Variants in RALGAPB observed in about 807,000 individuals in gnomAD.
RALGAPB encodes ral GTPase-activating protein subunit beta.
In RALGAPB, 25 loss-of-function variants were observed where a neutral mutation model predicts 161.1. The observed-to-expected ratio is 0.16, with a 90% CI of 0.11 to 0.22. The LOEUF (loss-of-function observed/expected upper bound fraction) is 0.22, where lower values mean the gene tolerates loss of function less well. RALGAPB is among the 10% of genes least tolerant of loss of function. The pLI is 1.00. For synonymous variants in RALGAPB, 629 were observed against 626.1 expected, an observed-to-expected ratio of 1.00 and a Z score of -0.07; for missense variants, 1,391 against 1,815.2, an observed-to-expected ratio of 0.77 and a Z score of 4.25.
intron 1 of RALGAPB, among the ~76,000 whole-genome samples, chr20:38,485,624 G>T (rs1320622353): frequency 6.6e-6 from 1 of 151,920 alleles, no homozygotes; most frequent in East Asian, 1.9e-4. Context: ...ACGGGGTTTT[G>T]CCCTGTTGGC....
intron 6 of RALGAPB, among the ~76,000 whole-genome samples, chr20:38,509,822 G>A (rs1053182378): frequency 6.6e-6 from 1 of 151,810 alleles, no homozygotes; most frequent in East Asian, 1.9e-4. Flanking sequence ...TCTCTTTCTG[G>A]TTTAACTAGC....
intron 11 of RALGAPB, 31 bp downstream of exon 11, chr20:38,524,976 C>G: frequency 1.3e-6 from 2 of 1,573,572 alleles, no homozygotes; most frequent in Non-Finnish European, 1.7e-6. Context: ...ATTATATCAA[C>G]TGTCTGATTT....
intron 13 of RALGAPB, among the ~76,000 whole-genome samples, chr20:38,529,185 A>G (rs2086570947): frequency 6.6e-6 from 1 of 152,166 alleles, no homozygotes; most frequent in Non-Finnish European, 1.5e-5. Flanking sequence ...ATTAACACAT[A>G]TTTTGTATTT....
chr20:38,501,041 A>G (rs73292722), intron 5 of RALGAPB, among the ~76,000 whole-genome samples: 5,879 of 152,288 alleles, frequency 0.039, 181 homozygotes, highest in African/African-American at 0.089. Flanking sequence ...TGCAAGCTGA[A>G]GCAGCAAGTG....
At chr20:38,490,954 A>G (rs1028663633) in intron 2 of RALGAPB, among the ~76,000 whole-genome samples, 6 of 152,224 alleles carry the variant, frequency 3.9e-5, no homozygotes, top group African/African-American at 1.4e-4. Flanking sequence ...CTAGAATTAT[A>G]AAATTAAACA....
At chr20:38,552,812 T>C (rs972980216) in intron 21 of RALGAPB, among the ~76,000 whole-genome samples, 1 of 152,222 alleles carries the variant, frequency 6.6e-6, no homozygotes, top group Non-Finnish European at 1.5e-5. Context: ...TGAAGTTATT[T>C]AACTCACTCT....
At chr20:38,539,568 G>C (rs1343633950) in intron 16 of RALGAPB, among the ~76,000 whole-genome samples, 1 of 152,152 alleles carries the variant, frequency 6.6e-6, no homozygotes, top group Non-Finnish European at 1.5e-5. Context: ...ATGAAATACT[G>C]TTTGAGCACT....
intron 13 of RALGAPB, among the ~76,000 whole-genome samples, chr20:38,526,532 T>A (rs1404490834): frequency 6.6e-6 from 1 of 152,188 alleles, no homozygotes; most frequent in Non-Finnish European, 1.5e-5. Flanking sequence ...AACCTTACTT[T>A]ATATCCCTCC....
intron 18 of RALGAPB, among the ~76,000 whole-genome samples, 177 bp downstream of exon 18, chr20:38,541,369 G>A (rs1437229663): frequency 1.3e-5 from 2 of 151,572 alleles, no homozygotes; most frequent in Non-Finnish European, 2.9e-5. Context: ...TACGTGTTTT[G>A]TAGACCAAAA....
Position 38,558,310 on chromosome 20 carries a change from C to T in RALGAPB, c.3388C>T (p.Arg1130Cys), listed in dbSNP as rs765333544. 1.2e-5 allele frequency: 18 copies of T among 1,537,590 alleles called. No homozygotes were observed. Among genetic ancestry groups the T allele is most frequent in the Non-Finnish European group, 1.5e-5 (17 of 1,138,430 alleles). Residue 1130 changes from arginine to cysteine, a missense_variant, in exon 23 of 30, where the codon CGT becomes TGT. Coordinates refer to ENST00000262879, the MANE Select transcript of RALGAPB (RefSeq NM_020336.4). ...TTGGTGGCAGGAACCTGCAAATAGT[C>T]GTCTACCTCCTCACCTTATTGCACT... ...LEALKEPANS[R>C]LPPHLIALDS...
intron 16 of RALGAPB, among the ~76,000 whole-genome samples, chr20:38,538,955 TG>T (rs1268040380): frequency 2.6e-5 from 4 of 152,226 alleles, no homozygotes; most frequent in Admixed American, 6.5e-5. Context: ...TTATAGCAGC[TG>T]TATTTATAAT....
chr20:38,571,753 C>T (rs2088248198), intron 28 of RALGAPB, among the ~76,000 whole-genome samples: 1 of 152,168 alleles, frequency 6.6e-6, no homozygotes, highest in African/African-American at 2.4e-5. Context: ...TATGAACATT[C>T]TATTTTTAAT....
intron 13 of RALGAPB, among the ~76,000 whole-genome samples, chr20:38,530,663 T>G (rs1472944815): frequency 1.3e-5 from 2 of 151,424 alleles, no homozygotes; most frequent in East Asian, 3.9e-4. Context: ...GTGGTGCAAT[T>G]TCGGCTCACT....
chr20:38,509,212 T>G lies in RALGAPB; in HGVS notation c.872+4T>G. The G allele has an allele frequency of 1.2e-6, 2 of 1,611,730 alleles. No homozygotes were observed. Among genetic ancestry groups the G allele is most frequent in the South Asian group, 2.2e-5 (2 of 90,682 alleles). On this transcript the variant is annotated splice_donor_region_variant and intron_variant, in intron 6 of 29. Transcript: ENST00000262879. ...TTCGCTTTTTACACATGTTAAGGTA[T>G]TGTTATTTTATTATTTCATGTGCCA...
At chr20:38,569,758 A>C in intron 26 of RALGAPB, 130 bp from the exon 27 acceptor site, 1 of 654,052 alleles carries the variant, frequency 1.5e-6, no homozygotes. Context: ...ACTTTTTCCT[A>C]AAGTGATTTT....
chr20:38,502,715 G>T lies in RALGAPB; in HGVS notation c.740+3082G>T, dbSNP rs548095963. ...CCTCCCATGCTCAAGTGATTCTCGT[G>T]CCTCAGCCTCCCCAGTAGCTGGGAT... On this transcript the variant is annotated intron_variant, in intron 5 of 29. Transcript: ENST00000262879. Among the ~76,000 whole-genome samples, 90 of 152,212 alleles carry T rather than the reference G, an allele frequency of 5.9e-4. 1 individual carries two copies. The Middle Eastern group carries it at 0.014, about 23-fold the overall frequency.
chr20:38,498,577 A>G (rs763343349), intron 4 of RALGAPB, among the ~76,000 whole-genome samples: 1 of 152,230 alleles, frequency 6.6e-6, no homozygotes, highest in African/African-American at 2.4e-5. Context: ...CTTACTCCCC[A>G]TGCCAGGGGT....
intron 15 of RALGAPB, among the ~76,000 whole-genome samples, chr20:38,534,872 T>C (rs1356284146): frequency 2.6e-5 from 4 of 152,228 alleles, no homozygotes; most frequent in Admixed American, 6.5e-5. Context: ...TAGAAGCTGC[T>C]CTGGTCTAGC....
At position 38,525,957 on chromosome 20, in the gene RALGAPB, T is replaced by C. The variant is rs148475641; in HGVS notation, c.1965T>C (p.Phe655=). ...CTTCTTATGATAAACCAATAACTTT[T>C]CTGTCCCTGAAGTTGAGACTTGTGA... ...DSSSYDKPIT[F]LSLKLRLVNI... Residue 655 remains phenylalanine, a synonymous_variant, in exon 13 of 30, where the codon TTT becomes TTC. Coordinates refer to ENST00000262879, the MANE Select transcript of RALGAPB (RefSeq NM_020336.4). 66 of 1,613,828 alleles carry C rather than the reference T, an allele frequency of 4.1e-5. No individual in the cohort carries two copies. The highest frequency in any genetic ancestry group is 5.0e-5 in the Non-Finnish European group (59 of 1,179,842).
Sources: allele counts gnomAD v4.1 joint callset (sites outside exome capture counted in the v4.1 genomes callset), GRCh38; gene constraint gnomAD v4.1.1; transcripts MANE v1.5; gene names NCBI Gene and HGNC (gene_info 2026-07-23, HGNC 2026-07-21).